Variants in ABLIM1 observed in about 807,000 individuals in gnomAD.
ABLIM1 encodes the protein actin binding LIM protein 1.
Under a neutral mutation model 107.0 loss-of-function variants are expected in ABLIM1, and 40 were observed. The observed-to-expected ratio is 0.37, with a 90% CI of 0.29 to 0.49. The LOEUF (loss-of-function observed/expected upper bound fraction) is 0.49. Ranked by LOEUF, ABLIM1 falls within the 20% of genes least tolerant of loss-of-function variation. The pLI is 0.97. For missense variants in ABLIM1, 857 were observed against 1,008.5 expected (o/e 0.85, Z 2.04); for synonymous variants, 357 against 357.3 (o/e 1.00, Z 0.01).
intron 1 of ABLIM1, among the ~76,000 whole-genome samples, chr10:114,614,668 C>T (rs188760778): frequency 2.0e-5 from 3 of 152,232 alleles, no homozygotes; most frequent in Non-Finnish European, 4.4e-5. Context: ...CAGAGATTTG[C>T]CGGAAAATTA....
intron 1 of ABLIM1, among the ~76,000 whole-genome samples, chr10:114,732,253 G>A (rs1036980098): frequency 8.5e-5 from 12 of 142,000 alleles, no homozygotes; most frequent in Non-Finnish European, 1.8e-4. Context: ...GCGCCACCTC[G>A]GCTCACTGCA....
chr10:114,700,009 G>T (rs773615958), intron 1 of ABLIM1, among the ~76,000 whole-genome samples: 2 of 151,952 alleles, frequency 1.3e-5, no homozygotes, highest in Non-Finnish European at 2.9e-5. Context: ...TGTTGTCCAA[G>T]CTGGTCTTTG....
intron 1 of ABLIM1, among the ~76,000 whole-genome samples, chr10:114,748,638 G>A (rs1051303134): frequency 6.7e-6 from 1 of 148,294 alleles, no homozygotes; most frequent in Non-Finnish European, 1.5e-5. Context: ...TGCAAGGACA[G>A]CAACAGAAGT....
At chr10:114,736,508 A>C (rs1352490449) in intron 1 of ABLIM1, among the ~76,000 whole-genome samples, 1 of 152,204 alleles carries the variant, frequency 6.6e-6, no homozygotes, top group African/African-American at 2.4e-5. Context: ...ATTGTTTAAA[A>C]ATAACAAAGG....
intron 1 of ABLIM1, among the ~76,000 whole-genome samples, chr10:114,740,729 T>C (rs2082269265): frequency 6.6e-6 from 1 of 152,100 alleles, no homozygotes; most frequent in Non-Finnish European, 1.5e-5. Context: ...ACAGAGCCTA[T>C]ATGAAAGCAG....
chr10:114,658,230 T>G lies in ABLIM1; in HGVS notation c.-30A>C. On this transcript the variant is annotated 5_prime_UTR_variant, in exon 1 of 23. Coordinates refer to ENST00000533213, the MANE Select transcript of ABLIM1 (RefSeq NM_002313.7). Reference sequence around the variant, plus strand: ...GCATGGATTTCCAAGCAATGAGAAATGGGGAGTGGGGACCCAAGGAGCGGT... The same window carrying G: ...GCATGGATTTCCAAGCAATGAGAAAGGGGGAGTGGGGACCCAAGGAGCGGT... 1 of 1,583,514 alleles carries G rather than the reference T, an allele frequency of 6.3e-7. No individual in the cohort carries two copies. The highest frequency in any genetic ancestry group is 8.6e-7 in the Non-Finnish European group (1 of 1,160,704).
At chr10:114,667,919 T>C (rs939422348) in intron 1 of ABLIM1, among the ~76,000 whole-genome samples, 1 of 152,216 alleles carries the variant, frequency 6.6e-6, no homozygotes, top group Non-Finnish European at 1.5e-5. Context: ...GCTATTACTT[T>C]GCAGTAAACA....
chr10:114,492,114 G>T (rs932409825), intron 6 of ABLIM1, among the ~76,000 whole-genome samples: 1 of 151,900 alleles, frequency 6.6e-6, no homozygotes, highest in African/African-American at 2.4e-5. Flanking sequence ...CTTGCCTCTC[G>T]GTGTTTCTGG....
intron 1 of ABLIM1, among the ~76,000 whole-genome samples, chr10:114,737,741 A>T (rs1447009408): frequency 1.3e-5 from 2 of 152,226 alleles, no homozygotes; most frequent in Admixed American, 1.3e-4. Flanking sequence ...TAACACAGAA[A>T]ACATTCAAAG....
intron 1 of ABLIM1, among the ~76,000 whole-genome samples, chr10:114,699,564 A>C (rs1358436791): frequency 5.3e-5 from 8 of 152,104 alleles, no homozygotes; most frequent in Non-Finnish European, 1.0e-4. Flanking sequence ...TAATGTCCTC[A>C]TTCTACCTAA....
chr10:114,741,134 G>A (rs2082278541), intron 1 of ABLIM1, among the ~76,000 whole-genome samples: 1 of 150,482 alleles, frequency 6.6e-6, no homozygotes, highest in South Asian at 2.1e-4. Flanking sequence ...TAAGTACTTC[G>A]GAAACCATTT....
chr10:114,524,422 A>C (rs573472196), intron 6 of ABLIM1, among the ~76,000 whole-genome samples: 2 of 152,232 alleles, frequency 1.3e-5, no homozygotes, highest in Non-Finnish European at 2.9e-5. Flanking sequence ...GCACTCACAA[A>C]ACAAGGCCCA....
chr10:114,779,627 T>C, the ABLIM1 span: 1 of 152,246 alleles, frequency 6.6e-6, no homozygotes, highest in Non-Finnish European at 1.5e-5. Flanking sequence ...TATTTTTCTA[T>C]AGATTTGTTT....
intron 1 of ABLIM1, among the ~76,000 whole-genome samples, chr10:114,614,167 G>A (rs1566101084): frequency 6.6e-6 from 1 of 152,116 alleles, no homozygotes; most frequent in African/African-American, 2.4e-5. Context: ...CACTTGGAAA[G>A]TAGGCCGGGT....
chr10:114,654,237 C>G (rs768838680), intron 1 of ABLIM1, among the ~76,000 whole-genome samples: 13 of 152,146 alleles, frequency 8.5e-5, no homozygotes, highest in Admixed American at 2.0e-4. Context: ...TTCTGGGCCT[C>G]TATTGTTTCA....
chr10:114,699,986 TG>T (rs2081276026), intron 1 of ABLIM1, among the ~76,000 whole-genome samples: 1 of 152,126 alleles, frequency 6.6e-6, no homozygotes, highest in African/African-American at 2.4e-5. Context: ...TTTTTTCAGA[TG>T]GGGTCTCACT....
rs1224696934 is a variant in ABLIM1, at chr10:114,447,901, G to T, written c.1714C>A (p.Pro572Thr). Residue 572 changes from proline (P) to threonine (T), a missense_variant, in exon 15 of 23, where the codon CCC becomes ACC. By Grantham distance (38) the Pro-to-Thr change is conservative. Transcript: ENST00000533213. ...PKIETDHWPG[P>T]PSFAVVGPDM... ...ATACCTACGACAGCAAATGAGGGGG[G>T]ACCAGGCCAGTGGTCCGTCTCAATC... The T allele has an allele frequency of 1.2e-6, 2 of 1,614,062 alleles. No individual in the cohort carries two copies. Among genetic ancestry groups the T allele is most frequent in the East Asian group, 2.2e-5 (1 of 44,876 alleles).
chr10:114,574,995 G>T (rs1955469664), intron 3 of ABLIM1, among the ~76,000 whole-genome samples: 2 of 152,158 alleles, frequency 1.3e-5, no homozygotes, highest in Non-Finnish European at 2.9e-5. Context: ...ACAGGTATCA[G>T]GCCTAATTCA....
chr10:114,488,709 A>T (rs751567006), intron 7 of ABLIM1, among the ~76,000 whole-genome samples: 1 of 152,218 alleles, frequency 6.6e-6, no homozygotes, highest in Non-Finnish European at 1.5e-5. Flanking sequence ...AAGCACTTTA[A>T]TGCGTGGTAC....
Sources: gnomAD v4.1 joint callset for allele counts (sites outside exome capture counted in the v4.1 genomes callset) on GRCh38, gnomAD v4.1.1 for gene constraint, MANE v1.5 for transcripts, NCBI Gene and HGNC (gene_info 2026-07-23, HGNC 2026-07-21) for gene names.